Variants in AMD1 observed in about 807,000 individuals in gnomAD.
AMD1 encodes the protein adenosylmethionine decarboxylase 1.
Under a neutral mutation model 40.2 loss-of-function variants are expected in AMD1, and 11 were observed. That is an observed-to-expected ratio of 0.27 (90% CI 0.17 to 0.45). AMD1 has a LOEUF of 0.45. Among genes scored for constraint, AMD1 ranks in the 20% least tolerant of loss-of-function variants. The pLI, the probability that AMD1 is intolerant of heterozygous loss-of-function variation, is 1.00. For missense variants in AMD1, 257 were observed against 410.2 expected (o/e 0.63, Z 3.23); for synonymous variants, 121 against 130.8 (o/e 0.93, Z 0.51).
At chr6:110,841,574 A>G in the AMD1 span, among the ~76,000 whole-genome samples, 1 of 152,022 alleles carries the variant, frequency 6.6e-6, no homozygotes, top group Admixed American at 6.6e-5. Flanking sequence ...AAAATTTTAA[A>G]TTTCTGGCCA....
chr6:110,874,415 C>A (rs1289795464), upstream of AMD1, among the ~76,000 whole-genome samples: 1 of 151,958 alleles, frequency 6.6e-6, no homozygotes, highest in Non-Finnish European at 1.5e-5. Context: ...CCCGCTGAAC[C>A]CCGCCAACAC....
the AMD1 span, among the ~76,000 whole-genome samples, chr6:110,839,998 C>A: frequency 6.8e-6 from 1 of 147,102 alleles, no homozygotes; most frequent in African/African-American, 2.5e-5. Context: ...GAAGTAAGTT[C>A]TCAGGATTCT....
the AMD1 span, among the ~76,000 whole-genome samples, chr6:110,869,365 C>T: frequency 1.4e-3 from 213 of 152,228 alleles, 1 homozygote; most frequent in Middle Eastern, 0.031. Flanking sequence ...ATCTCCTGAC[C>T]TCGTGATCCG....
At chr6:110,880,708 G>T (rs1785361065) in intron 1 of AMD1, among the ~76,000 whole-genome samples, 1 of 152,050 alleles carries the variant, frequency 6.6e-6, no homozygotes, top group Non-Finnish European at 1.5e-5. Flanking sequence ...GTCTTGCTCT[G>T]TCTCCCAGGC....
Position 110,892,288 on chromosome 6 carries a change from T to A in AMD1, c.471-11T>A. Reference sequence around the variant, plus strand: ...TGTCATTTTTAGGAACTATTTTTAATTTTTATTTAGGTACTTATATACTCT... The same window carrying A: ...TGTCATTTTTAGGAACTATTTTTAAATTTTATTTAGGTACTTATATACTCT... On this transcript the variant is annotated splice_polypyrimidine_tract_variant and intron_variant, in intron 5 of 8. Coordinates refer to ENST00000368885, the MANE Select transcript of AMD1 (RefSeq NM_001634.6). 1 of 1,613,538 alleles carries A rather than the reference T, an allele frequency of 6.2e-7. No homozygotes were observed. The highest frequency in any genetic ancestry group is 8.5e-7 in the Non-Finnish European group (1 of 1,179,886).
At chr6:110,826,883 G>C in the AMD1 span, among the ~76,000 whole-genome samples, 2 of 151,662 alleles carry the variant, frequency 1.3e-5, no homozygotes, top group Admixed American at 6.6e-5. Context: ...GTAGCGACAG[G>C]GTTTCACCAT....
upstream of AMD1, among the ~76,000 whole-genome samples, chr6:110,870,856 G>A (rs887621742): frequency 2.0e-5 from 3 of 152,136 alleles, no homozygotes; most frequent in Non-Finnish European, 2.9e-5. Flanking sequence ...ACTCACCCTA[G>A]ACTACCTGTC....
chr6:110,837,729 AAAAAAAAAAAAAAAAAAT>A, the AMD1 span, among the ~76,000 whole-genome samples: 246 of 105,986 alleles, frequency 2.3e-3, 1 homozygote, highest in African/African-American at 9.3e-3. Flanking sequence ...AAAAAAAAAA[AAAAAAAAAAAAAAAAAAT>A]ATATATATAT....
chr6:110,874,856 C>T lies in AMD1; in HGVS notation c.-250C>T. On this transcript the variant is annotated 5_prime_UTR_variant, in exon 1 of 9. Transcript: ENST00000368885. ...TCTCTAACGGGAAAGCAGCGGAATACAAGAGACTGAACTGTATCTGCCTCT... is the reference window on the plus strand; with the variant it reads ...TCTCTAACGGGAAAGCAGCGGAATATAAGAGACTGAACTGTATCTGCCTCT... 1 of 459,132 alleles carries T rather than the reference C, an allele frequency of 2.2e-6. No individual in the cohort carries two copies. The allele number at this position is 459,132 out of a possible 1,614,324, so 28.4% of individuals were successfully genotyped here.
At chr6:110,819,057 C>T in the AMD1 span, among the ~76,000 whole-genome samples, 1 of 152,044 alleles carries the variant, frequency 6.6e-6, no homozygotes, top group Admixed American at 6.6e-5. Context: ...TGCAATAGGA[C>T]GGTAAAAACA....
chr6:110,831,599 G>A, the AMD1 span, among the ~76,000 whole-genome samples: 1 of 151,982 alleles, frequency 6.6e-6, no homozygotes, highest in African/African-American at 2.4e-5. Context: ...CCAGCCTTGA[G>A]GACTCTCATT....
At chr6:110,836,524 A>T in the AMD1 span, among the ~76,000 whole-genome samples, 4 of 152,300 alleles carry the variant, frequency 2.6e-5, no homozygotes, top group Admixed American at 1.3e-4. Flanking sequence ...TTTCATTTAG[A>T]GTATTTCCCA....
At position 110,890,366 on chromosome 6, in the gene AMD1, A is replaced by T; in HGVS notation, c.427+10A>T. On this transcript the variant is annotated intron_variant, in intron 4 of 8. Transcript: ENST00000368885. ...AATGCAATTTTCCCAAGTAAGTTTAAATAAAATATAAACCTGTTGTCTTCT... is the reference window on the plus strand; with the variant it reads ...AATGCAATTTTCCCAAGTAAGTTTATATAAAATATAAACCTGTTGTCTTCT... 1 of 1,543,488 alleles carries T rather than the reference A, an allele frequency of 6.5e-7. No individual in the cohort carries two copies. Among genetic ancestry groups the T allele is most frequent in the Non-Finnish European group, 8.8e-7 (1 of 1,134,196 alleles).
the AMD1 span, among the ~76,000 whole-genome samples, chr6:110,845,921 A>G: frequency 2.0e-5 from 3 of 152,218 alleles, no homozygotes; most frequent in East Asian, 5.8e-4. Context: ...AACATTTCAA[A>G]GAAAATATTC....
the AMD1 span, chr6:110,814,906 G>A: frequency 6.7e-7 from 1 of 1,487,332 alleles, no homozygotes. Context: ...CCTCCGCCTC[G>A]CCCCTCGGGC....
chr6:110,863,396 G>C, the AMD1 span, among the ~76,000 whole-genome samples: 1 of 144,176 alleles, frequency 6.9e-6, no homozygotes, highest in Non-Finnish European at 1.5e-5. Flanking sequence ...TTTAGACAGA[G>C]TCTCGCTCTG....
the AMD1 span, chr6:110,848,513 C>T: frequency 2.3e-5 from 6 of 258,586 alleles, no homozygotes; most frequent in East Asian, 1.4e-4. Context: ...AGTGAGACTC[C>T]GTGTTAGCAA....
chr6:110,841,959 C>T, the AMD1 span, among the ~76,000 whole-genome samples: 1,597 of 152,132 alleles, frequency 0.01, 30 homozygotes, highest in African/African-American at 0.036. Context: ...TGCACCACCA[C>T]GCCTGGCTAA....
upstream of AMD1, among the ~76,000 whole-genome samples, chr6:110,871,380 G>T (rs905197113): frequency 6.6e-6 from 1 of 152,218 alleles, no homozygotes; most frequent in Non-Finnish European, 1.5e-5. Context: ...TACTGCAATA[G>T]TTCAGGGGAG....
Sources: allele counts gnomAD v4.1 joint callset (sites outside exome capture counted in the v4.1 genomes callset), GRCh38; gene constraint gnomAD v4.1.1; transcripts MANE v1.5; gene names NCBI Gene and HGNC (gene_info 2026-07-23, HGNC 2026-07-21).